The following PLEKHA7 variants were observed in gnomAD, a reference collection of about 807,000 sequenced individuals.
PLEKHA7 encodes the protein pleckstrin homology domain containing A7.
In PLEKHA7, 104 loss-of-function variants were observed where a neutral mutation model predicts 170.0. The ratio of observed to expected loss-of-function variants is 0.61; its 90% CI spans 0.52 to 0.72. The LOEUF is 0.72. PLEKHA7 is among the 30% of genes least tolerant of loss of function. The probability of loss-of-function intolerance (pLI) is 0.00; values close to 1 mark genes in which losing one functional copy is unlikely to be tolerated. For missense variants in PLEKHA7, 1,615 were observed against 1,671.7 expected, an observed-to-expected ratio of 0.97 and a Z score of 0.59; for synonymous variants, 648 against 660.8, an observed-to-expected ratio of 0.98 and a Z score of 0.30.
chr11:16,810,584 A>G (rs1308114801), intron 13 of PLEKHA7, among the ~76,000 whole-genome samples: 1 of 152,236 alleles, frequency 6.6e-6, no homozygotes. Context: ...GAATACTGGT[A>G]TCAACACAGT....
At chr11:16,963,936 C>G (rs1862216096) in intron 3 of PLEKHA7, among the ~76,000 whole-genome samples, 1 of 152,230 alleles carries the variant, frequency 6.6e-6, no homozygotes, top group African/African-American at 2.4e-5. Context: ...GTTACTACCT[C>G]AAACAGAAGC....
At chr11:17,008,295 C>G (rs1353087171) in intron 3 of PLEKHA7, among the ~76,000 whole-genome samples, 6 of 152,220 alleles carry the variant, frequency 3.9e-5, no homozygotes, top group East Asian at 1.9e-4. Context: ...AAGGGCCCAG[C>G]AGCCAGGGAA....
At chr11:16,790,710 G>T in intron 21 of PLEKHA7, 88 bp downstream of exon 21, 1 of 1,338,582 alleles carries the variant, frequency 7.5e-7, no homozygotes, top group Non-Finnish European at 1.0e-6. Context: ...GCCTAGAGCT[G>T]CAGGCAGAAG....
At chr11:17,008,906 G>T (rs965421215) in intron 3 of PLEKHA7, among the ~76,000 whole-genome samples, 2 of 152,154 alleles carry the variant, frequency 1.3e-5, no homozygotes, top group African/African-American at 4.8e-5. Context: ...TCCCATGTTT[G>T]AAAAAGCTGT....
chr11:16,782,483 C>T (rs1849107713), intron 26 of PLEKHA7, among the ~76,000 whole-genome samples: 2 of 152,216 alleles, frequency 1.3e-5, no homozygotes, highest in South Asian at 4.1e-4. Context: ...GGTAGCAGCA[C>T]CACTCCTCCT....
chr11:16,967,102 G>A (rs1410641753), intron 3 of PLEKHA7, among the ~76,000 whole-genome samples: 1 of 152,178 alleles, frequency 6.6e-6, no homozygotes, highest in African/African-American at 2.4e-5. Context: ...AATGCAGAAA[G>A]CATTCTAAGA....
At chr11:16,907,343 G>A (rs1159715854) in intron 3 of PLEKHA7, among the ~76,000 whole-genome samples, 1 of 141,448 alleles carries the variant, frequency 7.1e-6, no homozygotes, top group Non-Finnish European at 1.6e-5. Flanking sequence ...TGGGAAGAGA[G>A]GAGCCCCTCT....
At chr11:16,783,860 G>A (rs1849225934) in intron 24 of PLEKHA7, 27 bp from the exon 25 acceptor site, 7 of 1,419,164 alleles carry the variant, frequency 4.9e-6, no homozygotes, top group African/African-American at 1.5e-5. Flanking sequence ...AGGTGGCAGA[G>A]GGAGAGGCTC....
chr11:16,798,684 T>A (rs955686549), intron 17 of PLEKHA7, among the ~76,000 whole-genome samples: 1 of 152,256 alleles, frequency 6.6e-6, no homozygotes, highest in Non-Finnish European at 1.5e-5. Flanking sequence ...GGTCCAGTAC[T>A]TTCATTTGCT....
intron 3 of PLEKHA7, among the ~76,000 whole-genome samples, chr11:16,981,097 T>C (rs866439558): frequency 2.6e-5 from 4 of 152,076 alleles, no homozygotes; most frequent in Admixed American, 2.6e-4. Flanking sequence ...CAAAAGCAAA[T>C]GTGCATTTTA....
intron 3 of PLEKHA7, among the ~76,000 whole-genome samples, chr11:17,008,832 G>A (rs76231137): frequency 0.051 from 7,834 of 152,242 alleles, 388 homozygotes; most frequent in East Asian, 0.15. Flanking sequence ...TGAAACCCCT[G>A]AAGAGCAGCC....
chr11:16,952,586 A>T (rs78853521), intron 3 of PLEKHA7, among the ~76,000 whole-genome samples: 1 of 152,146 alleles, frequency 6.6e-6, no homozygotes, highest in Admixed American at 6.5e-5. Context: ...AAAAAAAAAA[A>T]TTCCCAGACT....
intron 3 of PLEKHA7, among the ~76,000 whole-genome samples, chr11:16,892,049 A>G (rs1856653522): frequency 6.6e-6 from 1 of 152,316 alleles, no homozygotes; most frequent in Admixed American, 6.5e-5. Context: ...CACACTGGCC[A>G]ACTGCCTTCC....
intron 26 of PLEKHA7, among the ~76,000 whole-genome samples, chr11:16,781,841 G>A (rs1037898400): frequency 6.6e-6 from 1 of 152,258 alleles, no homozygotes; most frequent in Non-Finnish European, 1.5e-5. Flanking sequence ...GCCAGGGTTG[G>A]AGAATTGGTA....
At chr11:16,802,824 G>T (rs923059306) in intron 15 of PLEKHA7, 148 bp downstream of exon 15, 18 of 706,768 alleles carry the variant, frequency 2.5e-5, no homozygotes, top group Non-Finnish European at 3.6e-5. Context: ...GAGATTACAG[G>T]CATGAGCCAC....
At chr11:16,906,326 C>CCCTCTCCCTCCTCTCCCTCTCCCT (rs1565098598) in intron 3 of PLEKHA7, among the ~76,000 whole-genome samples, 5 of 132,274 alleles carry the variant, frequency 3.8e-5, no homozygotes, top group Non-Finnish European at 8.1e-5. Context: ...TCCCTCCTCT[C>CCCTCTCCCTCCTCTCCCTCTCCCT]ACTCTCCCTC....
intron 3 of PLEKHA7, among the ~76,000 whole-genome samples, chr11:16,925,737 C>G (rs1038688412): frequency 6.6e-5 from 10 of 152,362 alleles, no homozygotes; most frequent in African/African-American, 2.4e-4. Context: ...TCCGAGGAGC[C>G]CACACCCACT....
At chr11:16,832,922 G>A (rs1362458684) in intron 9 of PLEKHA7, among the ~76,000 whole-genome samples, 2 of 152,136 alleles carry the variant, frequency 1.3e-5, no homozygotes, top group African/African-American at 4.8e-5. Flanking sequence ...GGAATAGGGT[G>A]GGCTCAAAAG....
In PLEKHA7 at chr11:16,863,714, T is replaced by C. The variant is rs552034929; in HGVS notation, c.305+7385A>G. Among the ~76,000 whole-genome samples, 3 of 152,212 alleles carry C rather than the reference T, an allele frequency of 2.0e-5. No individual in the cohort carries two copies. The East Asian group carries it at 5.8e-4, about 29-fold the overall frequency. On this transcript the variant is annotated intron_variant, in intron 4 of 26. Coordinates refer to ENST00000531066, the MANE Select transcript of PLEKHA7 (RefSeq NM_001329630.2). ...CCCAGCACTGAGGAGAAAACACTCC[T>C]GTACACGGGCACCAAACATCAAAAC... is the stretch of plus-strand genomic sequence containing the variant.
Sources: allele counts gnomAD v4.1 joint callset (sites outside exome capture counted in the v4.1 genomes callset), GRCh38; gene constraint gnomAD v4.1.1; transcripts MANE v1.5; gene names NCBI Gene and HGNC (gene_info 2026-07-23, HGNC 2026-07-21).